PCSK5: variants seen among roughly 807,000 people sequenced by gnomAD.
PCSK5 encodes proprotein convertase subtilisin/kexin type 5.
A neutral mutation model predicts 233.2 loss-of-function variants in PCSK5; 129 were observed. The ratio of observed to expected loss-of-function variants is 0.55; its 90% CI spans 0.48 to 0.64. The LOEUF (loss-of-function observed/expected upper bound fraction) is 0.64. Among genes scored for constraint, PCSK5 ranks in the 30% least tolerant of loss-of-function variants. The pLI is 0.00. For missense variants in PCSK5, 2,076 were observed against 2,430.1 expected (o/e 0.85, Z 3.06); for synonymous variants, 825 against 879.2 (o/e 0.94, Z 1.09).
At chr9:75,911,201 G>GTTTTTTTTTTTTTTTTTTTTTTTTT (rs71370772) in intron 1 of PCSK5, among the ~76,000 whole-genome samples, 6 of 48,764 alleles carry the variant, frequency 1.2e-4, no homozygotes, top group African/African-American at 3.4e-4. Flanking sequence ...GAACATATAG[G>GTTTTTTTTTTTTTTTTTTTTTTTTT]TTTTTTTTTT....
intron 2 of PCSK5, among the ~76,000 whole-genome samples, chr9:75,935,033 T>C (rs1287529169): frequency 6.6e-6 from 1 of 152,196 alleles, no homozygotes; most frequent in Non-Finnish European, 1.5e-5. Flanking sequence ...TAGTTGATCA[T>C]TCTTTCTGTC....
chr9:76,036,530 TCAC>T (rs1828866298), intron 5 of PCSK5, among the ~76,000 whole-genome samples: 1 of 152,202 alleles, frequency 6.6e-6, no homozygotes, highest in Non-Finnish European at 1.5e-5. Flanking sequence ...AGAACCTTCC[TCAC>T]CACGTCAGTT....
chr9:76,207,479 C>T lies in PCSK5; in HGVS notation c.2626+17733C>T, dbSNP rs540114928. Among the ~76,000 whole-genome samples the T allele has an allele frequency of 2.4e-4, 37 of 152,266 alleles. 1 individual carries two copies. The highest frequency in any genetic ancestry group is 8.9e-4 in the African/African-American group (37 of 41,556). On this transcript the variant is annotated intron_variant, in intron 20 of 37. Coordinates refer to ENST00000674117, the MANE Select transcript of PCSK5 (RefSeq NM_001372043.1). Reference sequence around the variant, plus strand: ...CTTTTGTGTGTATCTTGCATTAATTCGTTAACTATTTACTCATCTAACTTT... The same window carrying T: ...CTTTTGTGTGTATCTTGCATTAATTTGTTAACTATTTACTCATCTAACTTT...
intron 13 of PCSK5, among the ~76,000 whole-genome samples, chr9:76,170,277 T>A (rs1360605839): frequency 3.4e-5 from 5 of 145,366 alleles, no homozygotes; most frequent in Admixed American, 7.3e-5. Context: ...GCTCGGCCCA[T>A]GCCAGCTAAT....
chr9:76,023,664 A>C, intron 3 of PCSK5, 74 bp from the exon 4 acceptor site: 1 of 1,404,982 alleles, frequency 7.1e-7, no homozygotes, highest in Non-Finnish European at 9.7e-7. Context: ...AAAAAACAAA[A>C]GAAAGAAAGA....
At chr9:76,004,685 A>G (rs1314673752) in intron 3 of PCSK5, among the ~76,000 whole-genome samples, 1 of 152,146 alleles carries the variant, frequency 6.6e-6, no homozygotes, top group Non-Finnish European at 1.5e-5. Context: ...GTGATGATTC[A>G]TTACTGACAT....
intron 1 of PCSK5, among the ~76,000 whole-genome samples, chr9:75,919,858 G>C (rs1173492356): frequency 6.6e-6 from 1 of 152,158 alleles, no homozygotes; most frequent in Non-Finnish European, 1.5e-5. Flanking sequence ...GGACCCAGAT[G>C]GGAACAAGTG....
chr9:75,901,127 C>T (rs543126427), intron 1 of PCSK5, among the ~76,000 whole-genome samples: 113 of 152,258 alleles, frequency 7.4e-4, no homozygotes, highest in Non-Finnish European at 1.4e-3. Flanking sequence ...ATCTCAGTCA[C>T]TTAAAAGGAT....
At position 76,266,917 on chromosome 9, in the gene PCSK5, T is replaced by G. The variant is rs1827350749; in HGVS notation, c.3143-25316T>G. 2.1e-5 allele frequency among the ~76,000 whole-genome samples: 3 copies of G among 146,252 alleles called. No individual in the cohort carries two copies. In the South Asian group the frequency reaches 6.6e-4, roughly 32 times the overall value. On this transcript the variant is annotated intron_variant, in intron 24 of 37. Coordinates refer to ENST00000674117, the MANE Select transcript of PCSK5 (RefSeq NM_001372043.1). ...ACACAGCCCATCTGGAGCACAAAAC[T>G]GTAAACCTGGAAAAAAAATAGACTG...
chr9:75,930,684 G>C (rs1240432605), intron 1 of PCSK5, among the ~76,000 whole-genome samples: 2 of 152,100 alleles, frequency 1.3e-5, no homozygotes, highest in Non-Finnish European at 2.9e-5. Flanking sequence ...AGAGGGGGTT[G>C]TTCTGTGACG....
chr9:76,234,868 C>T (rs1230140984), intron 22 of PCSK5, among the ~76,000 whole-genome samples: 1 of 152,170 alleles, frequency 6.6e-6, no homozygotes, highest in African/African-American at 2.4e-5. Context: ...GCTCCTAAGA[C>T]TTCATTTGAG....
At chr9:75,997,695 T>C (rs1407596105) in intron 3 of PCSK5, among the ~76,000 whole-genome samples, 1 of 152,228 alleles carries the variant, frequency 6.6e-6, no homozygotes, top group Non-Finnish European at 1.5e-5. Context: ...TATTTTTTGA[T>C]GGTAGATGAT....
chr9:76,170,801 A>G (rs763520196), intron 13 of PCSK5, among the ~76,000 whole-genome samples: 8 of 152,212 alleles, frequency 5.3e-5, no homozygotes, highest in Non-Finnish European at 8.8e-5. Flanking sequence ...CACAGGGCAA[A>G]GGAGGCACAC....
At chr9:76,065,698 T>C (rs1441640209) in intron 5 of PCSK5, among the ~76,000 whole-genome samples, 1 of 152,230 alleles carries the variant, frequency 6.6e-6, no homozygotes, top group Non-Finnish European at 1.5e-5. Flanking sequence ...TGCCTGAGCT[T>C]TTGAGGTGTT....
intron 20 of PCSK5, among the ~76,000 whole-genome samples, chr9:76,214,163 C>T (rs1406398923): frequency 1.3e-5 from 2 of 152,162 alleles, no homozygotes; most frequent in African/African-American, 4.8e-5. Context: ...TTCTATCCCA[C>T]AAAGGGTAGA....
chr9:76,225,763 C>A (rs1825869935), intron 20 of PCSK5, among the ~76,000 whole-genome samples: 1 of 152,194 alleles, frequency 6.6e-6, no homozygotes, highest in Non-Finnish European at 1.5e-5. Context: ...TGTCTCAGGG[C>A]TACTGGTTAC....
intron 20 of PCSK5, chr9:76,193,232 A>T: frequency 6.2e-7 from 1 of 1,612,322 alleles, no homozygotes. Context: ...TGACTTCTGG[A>T]AAAGCAACGG....
intron 2 of PCSK5, among the ~76,000 whole-genome samples, chr9:75,951,684 C>G (rs1336479230): frequency 6.6e-6 from 1 of 151,786 alleles, no homozygotes; most frequent in Admixed American, 6.6e-5. Context: ...CCCACAGATT[C>G]AACCAACTGT....
intron 3 of PCSK5, among the ~76,000 whole-genome samples, chr9:76,020,370 T>C (rs117677657): frequency 6.6e-6 from 1 of 152,204 alleles, no homozygotes; most frequent in East Asian, 1.9e-4. Context: ...ACAACTACAT[T>C]AGAAACATAT....
Sources: allele counts gnomAD v4.1 joint callset (sites outside exome capture counted in the v4.1 genomes callset), GRCh38; gene constraint gnomAD v4.1.1; transcripts MANE v1.5; gene names NCBI Gene and HGNC (gene_info 2026-07-23, HGNC 2026-07-21).